Variants in RASEF observed in about 807,000 individuals in gnomAD.
RASEF encodes the protein ras and EF-hand domain-containing protein.
In RASEF, 68 loss-of-function variants were observed where a neutral mutation model predicts 90.1. The observed-to-expected ratio is 0.75, with a 90% CI of 0.62 to 0.92. The LOEUF (loss-of-function observed/expected upper bound fraction) is 0.92. RASEF is among the 40% of genes least tolerant of loss of function. The pLI, the probability that RASEF is intolerant of heterozygous loss-of-function variation, is 0.00. For synonymous variants in RASEF, 331 were observed against 345.2 expected (o/e 0.96, Z 0.46); for missense variants, 949 against 937.2 (o/e 1.01, Z -0.16).
the RASEF span, among the ~76,000 whole-genome samples, chr9:83,099,414 C>G: frequency 6.6e-6 from 1 of 152,192 alleles, no homozygotes; most frequent in Non-Finnish European, 1.5e-5. Flanking sequence ...AGGCGAGATC[C>G]TGTTCACCAT....
At chr9:83,011,402 T>C (rs1359660221) in intron 5 of RASEF, among the ~76,000 whole-genome samples, 2 of 151,460 alleles carry the variant, frequency 1.3e-5, no homozygotes, top group Non-Finnish European at 2.9e-5. Flanking sequence ...AACTCAAAAA[T>C]TTAGCGGGGC....
Position 83,021,402 on chromosome 9 carries a change from A to G in RASEF, c.669+934T>C, listed in dbSNP as rs188272734. Among the ~76,000 whole-genome samples, 13 of 152,358 alleles carry G rather than the reference A, an allele frequency of 8.5e-5. No homozygotes were observed. The East Asian group carries it at 2.5e-3, about 29-fold the overall frequency. ...TGTTAACAGGGCAAATTAATAAACAAAAGTGGAAGTTTTAACCTAGCATTG... is the reference window on the plus strand; with the variant it reads ...TGTTAACAGGGCAAATTAATAAACAGAAGTGGAAGTTTTAACCTAGCATTG... On this transcript the variant is annotated intron_variant, in intron 3 of 16. Transcript: ENST00000376447.
intron 14 of RASEF, among the ~76,000 whole-genome samples, chr9:82,994,816 C>G (rs957074445): frequency 1.3e-5 from 2 of 152,134 alleles, no homozygotes; most frequent in Non-Finnish European, 2.9e-5. Flanking sequence ...TTTAACTCAG[C>G]AGTTTTCCAT....
chr9:83,040,241 T>C (rs1829813996), intron 1 of RASEF, among the ~76,000 whole-genome samples: 1 of 152,202 alleles, frequency 6.6e-6, no homozygotes, highest in South Asian at 2.1e-4. Flanking sequence ...CTCAGGTTTG[T>C]GTTTTTGTGG....
Position 82,979,677 on chromosome 9 carries a change from T to A in RASEF, c.*3000A>T, listed in dbSNP as rs953868523. 6.6e-6 allele frequency: 1 copy of A among 152,194 alleles called. No individual in the cohort carries two copies. The highest frequency in any genetic ancestry group is 1.5e-5 in the Non-Finnish European group (1 of 68,034). The allele number at this position is 152,194 out of a possible 1,614,324, so 9.4% of individuals were successfully genotyped here. On this transcript the variant is annotated 3_prime_UTR_variant, in exon 17 of 17. Transcript: ENST00000376447. The stretch of plus-strand genomic sequence containing the variant: ...TTGCATTGCTATAAAAATTACACTT[T>A]ATGGTATAATTATTAAGGTTTGAAG...
chr9:83,119,296 G>C, the RASEF span, among the ~76,000 whole-genome samples: 4 of 151,706 alleles, frequency 2.6e-5, no homozygotes, highest in Non-Finnish European at 4.4e-5. Flanking sequence ...TGGGATTACA[G>C]GCATGAGCCA....
chr9:83,122,806 A>G, the RASEF span, among the ~76,000 whole-genome samples: 4 of 152,226 alleles, frequency 2.6e-5, no homozygotes, highest in Non-Finnish European at 4.4e-5. Flanking sequence ...TTATTCACCA[A>G]CAACACAAAA....
At chr9:83,144,400 GAAA>G in the RASEF span, among the ~76,000 whole-genome samples, 1 of 104,342 alleles carries the variant, frequency 9.6e-6, no homozygotes, top group Non-Finnish European at 2.0e-5. Flanking sequence ...AGGAAAGAAA[GAAA>G]GAAAGAAAGA....
chr9:83,118,259 G>A, the RASEF span, among the ~76,000 whole-genome samples: 1 of 151,774 alleles, frequency 6.6e-6, no homozygotes, highest in Non-Finnish European at 1.5e-5. Flanking sequence ...GTCCTTGAAG[G>A]CTGAAAGTTT....
the RASEF span, among the ~76,000 whole-genome samples, chr9:83,196,748 G>A: frequency 2.6e-5 from 4 of 152,140 alleles, no homozygotes; most frequent in Admixed American, 6.5e-5. Flanking sequence ...GGAGGGAAGA[G>A]GATGGTATTA....
intron 5 of RASEF, among the ~76,000 whole-genome samples, chr9:83,011,282 C>T (rs1056526885): frequency 6.6e-6 from 1 of 152,054 alleles, no homozygotes; most frequent in Non-Finnish European, 1.5e-5. Context: ...TTGCCAGGTG[C>T]GGTGGCTCAC....
the RASEF span, among the ~76,000 whole-genome samples, chr9:83,190,490 C>T: frequency 6.6e-6 from 1 of 151,332 alleles, no homozygotes; most frequent in East Asian, 1.9e-4. Flanking sequence ...TATCTCGAGT[C>T]TTTGAGGATT....
chr9:83,159,693 G>C, the RASEF span, among the ~76,000 whole-genome samples: 1 of 152,072 alleles, frequency 6.6e-6, no homozygotes, highest in African/African-American at 2.4e-5. Flanking sequence ...ATTTATATTT[G>C]AAAAAATTTT....
the RASEF span, among the ~76,000 whole-genome samples, chr9:83,091,791 G>C: frequency 1.3e-5 from 2 of 151,926 alleles, no homozygotes; most frequent in Non-Finnish European, 2.9e-5. Flanking sequence ...GGGTCTTCCA[G>C]GGAATTACCA....
At chr9:83,167,044 A>G in the RASEF span, among the ~76,000 whole-genome samples, 2 of 152,276 alleles carry the variant, frequency 1.3e-5, no homozygotes, top group African/African-American at 2.4e-5. Flanking sequence ...ATCTGGGAAA[A>G]TTAATCTCCC....
chr9:83,147,817 G>T, the RASEF span, among the ~76,000 whole-genome samples: 2 of 152,054 alleles, frequency 1.3e-5, no homozygotes, highest in Non-Finnish European at 2.9e-5. Flanking sequence ...AGGATGGAGG[G>T]GGAGCTGGAA....
In RASEF at chr9:83,015,787, C is replaced by T. The variant is rs766049381; in HGVS notation, c.765+18G>A. The T allele has an allele frequency of 3.7e-5, 59 of 1,582,556 alleles. No individual in the cohort carries two copies. Among genetic ancestry groups the T allele is most frequent in the Admixed American group, 6.7e-5 (4 of 59,932 alleles). ...GATGCTGAGGCTGTTCCTACAAGTC[C>T]AGCTGCCACATGCCTACCTTTCTTA... On this transcript the variant is annotated intron_variant, in intron 4 of 16. Coordinates refer to ENST00000376447, the MANE Select transcript of RASEF (RefSeq NM_152573.4).
the RASEF span, among the ~76,000 whole-genome samples, chr9:83,097,827 G>A: frequency 1.7e-3 from 264 of 152,214 alleles, no homozygotes; most frequent in African/African-American, 5.6e-3. Flanking sequence ...AATTAGCATC[G>A]TCATCATCAT....
rs1005936124 is a variant in RASEF at position 82,981,523 on chromosome 9, T to C, written c.*1154A>G. The C allele has an allele frequency of 6.6e-6, 1 of 152,204 alleles. No individual in the cohort carries two copies. The highest frequency in any genetic ancestry group is 1.5e-5 in the Non-Finnish European group (1 of 68,030). 9.4% of individuals were successfully genotyped at this position (152,204 alleles called of 1,614,324 possible). A position where few individuals can be genotyped will look rare whatever the true frequency, so the allele number is the denominator to read the frequency against. On this transcript the variant is annotated 3_prime_UTR_variant, in exon 17 of 17. Coordinates refer to ENST00000376447, the MANE Select transcript of RASEF (RefSeq NM_152573.4). Reference sequence around the variant, plus strand: ...CATTACAGGTTATGCTTCTAAACCATGGGAAGGTTTGAAATCAGCAGGGAT... The same window carrying C: ...CATTACAGGTTATGCTTCTAAACCACGGGAAGGTTTGAAATCAGCAGGGAT...
Sources: allele counts gnomAD v4.1 joint callset (sites outside exome capture counted in the v4.1 genomes callset), GRCh38; gene constraint gnomAD v4.1.1; transcripts MANE v1.5; gene names NCBI Gene and HGNC (gene_info 2026-07-23, HGNC 2026-07-21).